Variants in ZNF407 observed in about 807,000 individuals in gnomAD.
The protein encoded by ZNF407 is zinc finger protein 407.
Under a neutral mutation model 131.2 loss-of-function variants are expected in ZNF407, and 17 were observed. The observed-to-expected ratio is 0.13, with a 90% CI of 0.09 to 0.19. The LOEUF (loss-of-function observed/expected upper bound fraction) is 0.19. Ranked by LOEUF, ZNF407 falls within the 10% of genes least tolerant of loss-of-function variation. The pLI is 1.00. For missense variants in ZNF407, 2,681 were observed against 2,830.6 expected, an observed-to-expected ratio of 0.95 and a Z score of 1.20; for synonymous variants, 1,156 against 1,062.0, an observed-to-expected ratio of 1.09 and a Z score of -1.72.
At chr18:74,949,931 A>C (rs1423727595) in intron 8 of ZNF407, among the ~76,000 whole-genome samples, 1 of 152,188 alleles carries the variant, frequency 6.6e-6, no homozygotes, top group Admixed American at 6.5e-5. Context: ...AGAAAAAACA[A>C]TACTGATAGA....
At chr18:74,760,568 G>GT (rs1275244341) in intron 3 of ZNF407, among the ~76,000 whole-genome samples, 12 of 152,026 alleles carry the variant, frequency 7.9e-5, no homozygotes, top group Non-Finnish European at 1.5e-4. Flanking sequence ...TTTTTTGTTT[G>GT]TTTTTTCCAT....
rs577867716 is a variant in ZNF407 at position 74,613,791 on chromosome 18, T to C, written c.-54+15854T>C. Among the ~76,000 whole-genome samples the C allele has an allele frequency of 1.3e-3, 205 of 152,348 alleles. 2 individuals carry two copies. Among genetic ancestry groups the C allele is most frequent in the African/African-American group, 4.8e-3 (201 of 41,584 alleles). ...TAATTTTCCTTTTTATGCTGTGCTT[T>C]TCTCCCCCATTAAACAAATCCACAT... On this transcript the variant is annotated intron_variant, in intron 1 of 8. Coordinates refer to ENST00000299687, the MANE Select transcript of ZNF407 (RefSeq NM_017757.3).
chr18:74,600,522 C>G (rs574283319), intron 1 of ZNF407, among the ~76,000 whole-genome samples: 2 of 152,164 alleles, frequency 1.3e-5, no homozygotes, highest in South Asian at 4.1e-4. Flanking sequence ...TCGCAAAGAC[C>G]CACACCTCAA....
intron 8 of ZNF407, among the ~76,000 whole-genome samples, chr18:74,985,351 TAC>T (rs1354940617): frequency 6.6e-6 from 1 of 152,208 alleles, no homozygotes; most frequent in African/African-American, 2.4e-5. Flanking sequence ...ATTTTAGAGT[TAC>T]AGTGTTTCCT....
chr18:74,920,424 A>G, intron 7 of ZNF407, 90 bp from the exon 8 acceptor site: 3 of 1,103,136 alleles, frequency 2.7e-6, no homozygotes, highest in Non-Finnish European at 3.8e-6. Context: ...TACCAAACAC[A>G]TACAGACAGT....
Position 74,641,139 on chromosome 18 carries a change from C to G in ZNF407, c.4802+17C>G, listed in dbSNP as rs1473817225. 6 of 1,582,830 alleles carry G rather than the reference C, an allele frequency of 3.8e-6. No homozygotes were observed. Among genetic ancestry groups the G allele is most frequent in the Non-Finnish European group, 4.3e-6 (5 of 1,151,862 alleles). Reference sequence around the variant, plus strand: ...TGTCTGTGGGTGAGTAAATTGAAGCCATCTCTGCTGCGTGAACCAGGAAGC... The same window carrying G: ...TGTCTGTGGGTGAGTAAATTGAAGCGATCTCTGCTGCGTGAACCAGGAAGC... On this transcript the variant is annotated intron_variant, in intron 3 of 8. Coordinates refer to ENST00000299687, the MANE Select transcript of ZNF407 (RefSeq NM_017757.3).
chr18:74,914,164 G>A (rs188258185), intron 7 of ZNF407, among the ~76,000 whole-genome samples: 7 of 152,308 alleles, frequency 4.6e-5, no homozygotes, highest in South Asian at 4.1e-4. Context: ...GAAGCTTGGC[G>A]CTGGGGAATC....
At chr18:74,642,277 T>C (rs1172082927) in intron 3 of ZNF407, among the ~76,000 whole-genome samples, 1 of 152,002 alleles carries the variant, frequency 6.6e-6, no homozygotes, top group Non-Finnish European at 1.5e-5. Context: ...TGAAGATGAG[T>C]GGGAGAATGA....
chr18:75,028,402 G>C (rs987281900), intron 8 of ZNF407, among the ~76,000 whole-genome samples: 1 of 151,336 alleles, frequency 6.6e-6, no homozygotes, highest in African/African-American at 2.4e-5. Context: ...TAAGGACCCT[G>C]GTCACATTCG....
chr18:74,994,621 G>T (rs995670959), intron 8 of ZNF407, among the ~76,000 whole-genome samples: 2 of 151,910 alleles, frequency 1.3e-5, no homozygotes, highest in African/African-American at 4.9e-5. Flanking sequence ...GTGTCCATCT[G>T]TGCAGAGAGC....
intron 4 of ZNF407, among the ~76,000 whole-genome samples, chr18:74,782,528 T>C (rs537106345): frequency 6.6e-6 from 1 of 151,194 alleles, no homozygotes; most frequent in African/African-American, 2.5e-5. Flanking sequence ...CCCATATGTT[T>C]GATTTCATCC....
At chr18:74,780,535 AG>A (rs1969577916) in intron 3 of ZNF407, among the ~76,000 whole-genome samples, 1 of 152,214 alleles carries the variant, frequency 6.6e-6, no homozygotes, top group Non-Finnish European at 1.5e-5. Context: ...ATATGCAAAT[AG>A]ATGCTGTTGC....
At chr18:74,989,640 G>A (rs4891216) in intron 8 of ZNF407, among the ~76,000 whole-genome samples, 31,589 of 151,922 alleles carry the variant, frequency 0.21, 3,713 homozygotes, top group Admixed American at 0.3. Context: ...TAAGGAGTTC[G>A]ACACCAACCT....
At chr18:75,000,467 T>A (rs566858533) in intron 8 of ZNF407, among the ~76,000 whole-genome samples, 42 of 152,350 alleles carry the variant, frequency 2.8e-4, no homozygotes, top group African/African-American at 1.0e-3. Context: ...CAGGGCGTGA[T>A]CTCTTTTTCT....
intron 3 of ZNF407, among the ~76,000 whole-genome samples, chr18:74,718,213 C>G (rs7233356): frequency 2.2e-3 from 340 of 151,708 alleles, no homozygotes; most frequent in African/African-American, 7.8e-3. Flanking sequence ...CAGCCCCCCC[C>G]CTCCCCTTCC....
At chr18:74,611,944 A>G (rs1187526822) in intron 1 of ZNF407, among the ~76,000 whole-genome samples, 2 of 152,192 alleles carry the variant, frequency 1.3e-5, no homozygotes, top group Non-Finnish European at 2.9e-5. Flanking sequence ...ATGTGCAAGG[A>G]TGCTCACAGT....
At chr18:74,719,054 T>A (rs1967963567) in intron 3 of ZNF407, among the ~76,000 whole-genome samples, 1 of 152,218 alleles carries the variant, frequency 6.6e-6, no homozygotes. Context: ...TTGTATTTTT[T>A]AAATTGACAT....
chr18:74,817,387 G>A (rs1970281624), intron 4 of ZNF407, among the ~76,000 whole-genome samples: 1 of 152,032 alleles, frequency 6.6e-6, no homozygotes, highest in Non-Finnish European at 1.5e-5. Flanking sequence ...AGTTTATGTT[G>A]TTCATTTTAT....
chr18:74,852,305 A>G (rs149757646), intron 4 of ZNF407, among the ~76,000 whole-genome samples: 249 of 152,294 alleles, frequency 1.6e-3, no homozygotes, highest in Middle Eastern at 0.014. Flanking sequence ...CCCTTGAATT[A>G]AACAGGTATA....
Sources: allele counts gnomAD v4.1 joint callset (sites outside exome capture counted in the v4.1 genomes callset), GRCh38; gene constraint gnomAD v4.1.1; transcripts MANE v1.5; gene names NCBI Gene and HGNC (gene_info 2026-07-23, HGNC 2026-07-21).